The following GLIS3 variants were observed in gnomAD, a reference collection of about 807,000 sequenced individuals.
GLIS3 encodes zinc finger protein GLIS3.
Under a neutral mutation model 78.6 loss-of-function variants are expected in GLIS3, and 53 were observed. The ratio of observed to expected loss-of-function variants is 0.67; its 90% CI spans 0.54 to 0.85. The LOEUF (loss-of-function observed/expected upper bound fraction) is 0.85, where lower values mean the gene tolerates loss of function less well. GLIS3 is among the 40% of genes least tolerant of loss of function. The pLI, the probability that GLIS3 is intolerant of heterozygous loss-of-function variation, is 0.00. For synonymous variants in GLIS3, 684 were observed against 509.9 expected, an observed-to-expected ratio of 1.34 and a Z score of -4.60; for missense variants, 1,703 against 1,231.1, an observed-to-expected ratio of 1.38 and a Z score of -5.74.
At chr9:3,840,804 C>T (rs1428729167) in intron 9 of GLIS3, among the ~76,000 whole-genome samples, 1 of 152,232 alleles carries the variant, frequency 6.6e-6, no homozygotes, top group East Asian at 1.9e-4. Context: ...TGCCAACTTG[C>T]AGGCCACAGC....
chr9:4,458,212 C>G, the GLIS3 span, among the ~76,000 whole-genome samples: 1 of 152,128 alleles, frequency 6.6e-6, no homozygotes, highest in South Asian at 2.1e-4. Context: ...TGGCCTCCCA[C>G]AGCTCTAGAA....
intron 2 of GLIS3, among the ~76,000 whole-genome samples, chr9:4,263,466 A>T (rs2130048737): frequency 6.6e-6 from 1 of 152,172 alleles, no homozygotes; most frequent in Admixed American, 6.5e-5. Flanking sequence ...CCCTGGCAAG[A>T]CTAAAAGAAA....
At chr9:4,416,319 A>C in the GLIS3 span, among the ~76,000 whole-genome samples, 2 of 151,058 alleles carry the variant, frequency 1.3e-5, no homozygotes, top group African/African-American at 2.4e-5. Context: ...AAAAAATTAC[A>C]ACTGTTCCAT....
intron 4 of GLIS3, among the ~76,000 whole-genome samples, chr9:3,961,060 C>T (rs529747974): frequency 6.6e-6 from 1 of 152,302 alleles, no homozygotes; most frequent in East Asian, 1.9e-4. Context: ...GAGCCACAGA[C>T]TTTTCTTCTT....
At chr9:4,242,878 T>A (rs1367972447) in intron 2 of GLIS3, among the ~76,000 whole-genome samples, 1 of 152,230 alleles carries the variant, frequency 6.6e-6, no homozygotes, top group African/African-American at 2.4e-5. Flanking sequence ...ATTTTACTTT[T>A]TTAATGTGGC....
intron 6 of GLIS3, among the ~76,000 whole-genome samples, chr9:3,922,741 T>C (rs1308234317): frequency 6.6e-6 from 1 of 151,988 alleles, no homozygotes; most frequent in Non-Finnish European, 1.5e-5. Context: ...AAAGTATGCT[T>C]TGAAAAAATA....
At chr9:4,232,439 A>C (rs1394756768) in intron 2 of GLIS3, among the ~76,000 whole-genome samples, 4 of 151,922 alleles carry the variant, frequency 2.6e-5, no homozygotes, top group Admixed American at 6.6e-5. Context: ...GAAACAAAGA[A>C]GACACCTACC....
rs61580319 is a variant in GLIS3, at chr9:4,086,943, C to A, written c.1710+30825G>T. Among the ~76,000 whole-genome samples, 89 of 152,264 alleles carry A rather than the reference C, an allele frequency of 5.8e-4. No homozygotes were observed. The East Asian group carries it at 0.015, about 26-fold the overall frequency. On this transcript the variant is annotated intron_variant, in intron 4 of 10. Coordinates refer to ENST00000381971, the MANE Select transcript of GLIS3 (RefSeq NM_001042413.2). ...TGTCCTCCACATTGGACCTTGAACC[C>A]GTAGACGGCAGAGGCTCCCTACTCT...
chr9:4,342,132 G>A (rs1817841819), intron 2 of GLIS3, among the ~76,000 whole-genome samples: 1 of 152,040 alleles, frequency 6.6e-6, no homozygotes, highest in Non-Finnish European at 1.5e-5. Flanking sequence ...TTTTATTATT[G>A]CTTTTGGCAC....
chr9:4,115,367 T>C (rs1371029665), intron 4 of GLIS3, among the ~76,000 whole-genome samples: 3 of 152,198 alleles, frequency 2.0e-5, no homozygotes, highest in Non-Finnish European at 2.9e-5. Flanking sequence ...TGTGGCCATT[T>C]TACTTGTCAA....
rs549067326 is a variant in GLIS3 at position 4,004,880 on chromosome 9, C to T, written c.1711-67691G>A. 9.2e-5 allele frequency among the ~76,000 whole-genome samples: 14 copies of T among 152,190 alleles called. No individual in the cohort carries two copies. In the South Asian group the frequency reaches 2.9e-3, roughly 32 times the overall value. On this transcript the variant is annotated intron_variant, in intron 4 of 10. Coordinates refer to ENST00000381971, the MANE Select transcript of GLIS3 (RefSeq NM_001042413.2). ...AAATATACTTATATTTGAGTCTTGGCTCTATTATATATTGTTTCAACAATG... is the reference window on the plus strand; with the variant it reads ...AAATATACTTATATTTGAGTCTTGGTTCTATTATATATTGTTTCAACAATG...
At chr9:4,079,131 T>C (rs1425192613) in intron 4 of GLIS3, among the ~76,000 whole-genome samples, 1 of 152,206 alleles carries the variant, frequency 6.6e-6, no homozygotes, top group African/African-American at 2.4e-5. Context: ...TGTATCATCA[T>C]TACCTTCTCT....
the GLIS3 span, among the ~76,000 whole-genome samples, chr9:4,481,766 C>T: frequency 1.3e-5 from 2 of 152,106 alleles, no homozygotes; most frequent in Non-Finnish European, 2.9e-5. Flanking sequence ...TTATAAGTTT[C>T]TAGAGGTAGA....
intron 4 of GLIS3, among the ~76,000 whole-genome samples, chr9:4,015,360 G>T (rs909979275): frequency 6.6e-6 from 1 of 152,036 alleles, no homozygotes; most frequent in Non-Finnish European, 1.5e-5. Context: ...ACAATGTCAT[G>T]GTTCTTTCAC....
chr9:4,358,962 T>C, the GLIS3 span, among the ~76,000 whole-genome samples: 1 of 152,146 alleles, frequency 6.6e-6, no homozygotes, highest in East Asian at 1.9e-4. Flanking sequence ...GGGTTCCTAA[T>C]CCCTTAACAC....
At chr9:4,328,248 C>T (rs974314768) in intron 2 of GLIS3, among the ~76,000 whole-genome samples, 1 of 152,302 alleles carries the variant, frequency 6.6e-6, no homozygotes. Context: ...ATCTCCATGC[C>T]TCCTTTAGGG....
intron 8 of GLIS3, among the ~76,000 whole-genome samples, chr9:3,857,612 G>A (rs886695199): frequency 2.0e-5 from 3 of 152,284 alleles, no homozygotes; most frequent in East Asian, 3.9e-4. Flanking sequence ...AAGTCAAGGC[G>A]AGGAGCTTAA....
intron 4 of GLIS3, among the ~76,000 whole-genome samples, chr9:4,015,418 G>A (rs1471167844): frequency 6.6e-6 from 1 of 152,112 alleles, no homozygotes; most frequent in East Asian, 1.9e-4. Flanking sequence ...GTCTAAAAAA[G>A]ACAGAGGAAA....
intron 2 of GLIS3, among the ~76,000 whole-genome samples, chr9:4,192,941 G>A (rs1308827545): frequency 6.6e-6 from 1 of 152,242 alleles, no homozygotes; most frequent in Non-Finnish European, 1.5e-5. Flanking sequence ...GATACTGCAA[G>A]GAGGTCAGCA....
Sources: allele counts gnomAD v4.1 joint callset (sites outside exome capture counted in the v4.1 genomes callset), GRCh38; gene constraint gnomAD v4.1.1; transcripts MANE v1.5; gene names NCBI Gene and HGNC (gene_info 2026-07-23, HGNC 2026-07-21).